The following PHF12 variants were observed in gnomAD, a reference collection of about 807,000 sequenced individuals.
PHF12 encodes the protein PHD finger protein 12, also known as PHD factor 1.
In PHF12, 6 loss-of-function variants were observed where a neutral mutation model predicts 99.8. The observed-to-expected ratio is 0.06, with a 90% CI of 0.03 to 0.12. The LOEUF (loss-of-function observed/expected upper bound fraction) is 0.12. Ranked by LOEUF, PHF12 falls within the 10% of genes least tolerant of loss-of-function variation. The pLI, the probability that PHF12 is intolerant of heterozygous loss-of-function variation, is 1.00. For missense variants in PHF12, 954 were observed against 1,300.1 expected, an observed-to-expected ratio of 0.73 and a Z score of 4.09; for synonymous variants, 480 against 514.9, an observed-to-expected ratio of 0.93 and a Z score of 0.92.
At position 28,924,167 on chromosome 17, in the gene PHF12, GGGCAAT is replaced by G. The variant is rs749966017; in HGVS notation, c.451_456del (p.Ile151_Ala152del). 22 of 1,614,100 alleles carry G rather than the reference GGGCAAT, an allele frequency of 1.4e-5. No individual in the cohort carries two copies. Among genetic ancestry groups the G allele is most frequent in the Middle Eastern group, 1.6e-4 (1 of 6,084 alleles). On this transcript the variant is annotated inframe_deletion, in exon 4 of 15. Transcript: ENST00000332830. ...GCTCTCCTTTCCAGGATCCGGGCAT[GGGCAAT>G]GGCCTTTAGTTCAGTTTTGCTGGCC...
At chr17:28,907,031 C>T in intron 13 of PHF12, 37 bp from the exon 14 acceptor site, 1 of 1,572,966 alleles carries the variant, frequency 6.4e-7, no homozygotes, top group Non-Finnish European at 8.6e-7. Context: ...GTGTGGTCTG[C>T]TGTGTGGGGC....
chr17:28,944,008 G>A (rs1400359198), intron 2 of PHF12, among the ~76,000 whole-genome samples: 1 of 152,138 alleles, frequency 6.6e-6, no homozygotes, highest in African/African-American at 2.4e-5. Flanking sequence ...TACTGATTTA[G>A]CTTTCAAAAA....
chr17:28,924,899 T>C, intron 3 of PHF12: 2 of 146,172 alleles, frequency 1.4e-5, no homozygotes, highest in South Asian at 2.0e-4. Flanking sequence ...TGCAGTGAAC[T>C]GAGATTGCGC....
intron 2 of PHF12, among the ~76,000 whole-genome samples, chr17:28,937,469 TGA>T (rs2040530814): frequency 6.6e-6 from 1 of 152,114 alleles, no homozygotes; most frequent in Non-Finnish European, 1.5e-5. Context: ...AAAGCCTCAG[TGA>T]GAGTGTTAAC....
chr17:28,939,033 C>T (rs8080857), intron 2 of PHF12, among the ~76,000 whole-genome samples: 2,715 of 152,300 alleles, frequency 0.018, 76 homozygotes, highest in African/African-American at 0.058. Flanking sequence ...CTTGGACATG[C>T]GTTATTTGCT....
intron 2 of PHF12, among the ~76,000 whole-genome samples, chr17:28,934,046 C>CA (rs35582292): frequency 6.6e-6 from 1 of 150,794 alleles, no homozygotes; most frequent in Admixed American, 6.6e-5. Flanking sequence ...GACCCCGCCT[C>CA]AAAAAAAAAG....
At chr17:28,925,240 G>C (rs1277691228) in intron 3 of PHF12, 1 of 152,232 alleles carries the variant, frequency 6.6e-6, no homozygotes, top group Non-Finnish European at 1.5e-5. Flanking sequence ...ACTCAGGCTG[G>C]TGGGCAGGAA....
intron 2 of PHF12, among the ~76,000 whole-genome samples, chr17:28,942,216 A>G (rs760080762): frequency 6.6e-6 from 1 of 152,248 alleles, no homozygotes; most frequent in Non-Finnish European, 1.5e-5. Context: ...AGGCATAGAT[A>G]TTAAAGTGTG....
rs1428125729 is a variant in PHF12, at chr17:28,906,177, C to G, written c.*6G>C. ...GTACAGGCCAGTGGCGGGGTAGCCG[C>G]CAGTCCTAAGGAACAGAGTTGGAGC... On this transcript the variant is annotated 3_prime_UTR_variant, in exon 15 of 15. Transcript: ENST00000332830. The surrounding 1 kb of genome is among the most constrained non-coding windows in gnomAD (Gnocchi z 4.2). The G allele has an allele frequency of 1.3e-6, 2 of 1,560,434 alleles. No homozygotes were observed. The highest frequency in any genetic ancestry group is 1.7e-6 in the Non-Finnish European group (2 of 1,147,946).
chr17:28,948,870 T>C (rs76530969), intron 2 of PHF12, among the ~76,000 whole-genome samples: 1 of 152,300 alleles, frequency 6.6e-6, no homozygotes, highest in Non-Finnish European at 1.5e-5. Context: ...CAGTCAACTG[T>C]TGCAGAACAA....
Position 28,924,447 on chromosome 17 carries a change from G to C in PHF12, c.322-145C>G, listed in dbSNP as rs1458382342. The stretch of plus-strand genomic sequence containing the variant: ...CATCTACCTGGTCACTTGGAACACT[G>C]GTCTGTTAAAGTTGACACAACTCTA... On this transcript the variant is annotated intron_variant, in intron 3 of 14. Coordinates refer to ENST00000332830, the MANE Select transcript of PHF12 (RefSeq NM_001033561.2). 8 of 1,111,918 alleles carry C rather than the reference G, an allele frequency of 7.2e-6. No homozygotes were observed. In the African/African-American group the frequency reaches 9.3e-5, roughly 13 times the overall value. 68.9% of individuals were successfully genotyped at this position (1,111,918 alleles called of 1,614,324 possible). A position where few individuals can be genotyped will look rare whatever the true frequency, so the allele number is the denominator to read the frequency against.
rs2039881928 is a variant in PHF12, at chr17:28,907,011, G to A, written c.2542-17C>T. 6.3e-7 allele frequency: 1 copy of A among 1,595,206 alleles called. No individual in the cohort carries two copies. Among genetic ancestry groups the A allele is most frequent in the Admixed American group, 1.7e-5 (1 of 58,236 alleles). On this transcript the variant is annotated splice_polypyrimidine_tract_variant and intron_variant, in intron 13 of 14. Transcript: ENST00000332830. ...TTTGGTATTCTGAGGAGGAGGAGGG[G>A]AGATAAGATGTGTGGTCTGCTGTGT...
Position 28,924,188 on chromosome 17 carries a change from T to G in PHF12, c.436A>C (p.Thr146Pro). ...TDLLDRSASK[T>P]ELKAIAHARI... ...GCATGGGCAATGGCCTTTAGTTCAG[T>G]TTTGCTGGCCGATCTGTCCAACAAG... is the stretch of plus-strand genomic sequence containing the variant. The change falls in exon 4 of 15, where the codon ACT becomes CCT. Residue 146 changes from threonine to proline, a missense_variant. By Grantham distance (38) the Thr-to-Pro change is conservative. Around this residue, in one of 8 missense-constraint regions of PHF12, gnomAD observed 109 missense variants for 145.4 expected, o/e 0.75. Transcript: ENST00000332830. The G allele has an allele frequency of 6.2e-7, 1 of 1,614,178 alleles. No individual in the cohort carries two copies. The highest frequency in any genetic ancestry group is 1.3e-5 in the African/African-American group (1 of 75,044).
At chr17:28,942,933 T>C (rs1272448771) in intron 2 of PHF12, among the ~76,000 whole-genome samples, 1 of 152,162 alleles carries the variant, frequency 6.6e-6, no homozygotes, top group Admixed American at 6.5e-5. Context: ...AAGGAACTTA[T>C]ATTTACAACA....
chr17:28,908,970 T>C, intron 11 of PHF12, 89 bp from the exon 12 acceptor site: 1 of 1,237,944 alleles, frequency 8.1e-7, no homozygotes, highest in Non-Finnish European at 1.2e-6. Context: ...CTTTGGCTCA[T>C]GGCCTGGAGA....
intron 9 of PHF12, 128 bp from the exon 10 acceptor site, chr17:28,911,365 A>G (rs1488516210): frequency 7.6e-7 from 1 of 1,317,160 alleles, no homozygotes; most frequent in East Asian, 2.5e-5. Context: ...CTCAACCCAT[A>G]GGCTCTGGAA....
In PHF12 at chr17:28,951,435, T is replaced by A; in HGVS notation, c.-475A>T. ...CCTCTCGCCGCCGCCGCCGTCTGCG[T>A]CCCGGCTGCCGCGCACTTGGCGCAA... On this transcript the variant is annotated 5_prime_UTR_variant, in exon 1 of 15. Coordinates refer to ENST00000332830, the MANE Select transcript of PHF12 (RefSeq NM_001033561.2). 1.0e-6 allele frequency: 1 copy of A among 986,890 alleles called. No homozygotes were observed. The highest frequency in any genetic ancestry group is 1.2e-6 in the Non-Finnish European group (1 of 830,944). The allele number at this position is 986,890 out of a possible 1,614,324, so 61.1% of individuals were successfully genotyped here. A position where few individuals can be genotyped will look rare whatever the true frequency, so the allele number is the denominator to read the frequency against.
intron 2 of PHF12, among the ~76,000 whole-genome samples, chr17:28,937,406 A>G (rs2040529557): frequency 6.6e-6 from 1 of 152,180 alleles, no homozygotes; most frequent in Non-Finnish European, 1.5e-5. Flanking sequence ...CTCAAACACC[A>G]CTAATGCCAC....
intron 2 of PHF12, 123 bp from the exon 3 acceptor site, chr17:28,927,186 G>T: frequency 1.2e-6 from 1 of 810,750 alleles, no homozygotes; most frequent in Non-Finnish European, 2.0e-6. Context: ...TGCTAGGGTT[G>T]TCTCCTCCAA....
Sources: allele counts gnomAD v4.1 joint callset (sites outside exome capture counted in the v4.1 genomes callset), GRCh38; gene constraint gnomAD v4.1.1; regional missense constraint gnomAD v4.1.1; non-coding constraint Gnocchi (gnomAD v3.1); transcripts MANE v1.5; gene names NCBI Gene and HGNC (gene_info 2026-07-23, HGNC 2026-07-21).